Variants in RER1 observed in about 807,000 individuals in gnomAD.
RER1 encodes protein RER1.
In RER1, 6 loss-of-function variants were observed where a neutral mutation model predicts 28.3. The ratio of observed to expected loss-of-function variants is 0.21; its 90% CI spans 0.12 to 0.42. The LOEUF (loss-of-function observed/expected upper bound fraction) is 0.42. Among genes scored for constraint, RER1 ranks in the 10% least tolerant of loss-of-function variants. The probability of loss-of-function intolerance (pLI) is 1.00; values close to 1 mark genes in which losing one functional copy is unlikely to be tolerated. For synonymous variants in RER1, 110 were observed against 95.9 expected (o/e 1.15, Z -0.86); for missense variants, 159 against 252.9 (o/e 0.63, Z 2.52).
At position 2,402,319 on chromosome 1, in the gene RER1, A is replaced by G. The variant is rs367686071; in HGVS notation, c.478A>G (p.Ile160Val). 7.4e-6 allele frequency: 12 copies of G among 1,614,202 alleles called. No homozygotes were observed. In the African/African-American group the frequency reaches 1.3e-4, roughly 18 times the overall value. ...LVMYFIMLFC[I>V]TMKRQIKHMI... ...GATGTACTTCATCATGCTCTTCTGT[A>G]TCACGATGAAGAGGCAAATCAAGGT... The change falls in exon 6 of 7, where the codon ATC becomes GTC. Residue 160 changes from isoleucine (I) to valine (V), a missense_variant. By Grantham distance (29) the Ile-to-Val change is conservative. Coordinates refer to ENST00000605895, the MANE Select transcript of RER1 (RefSeq NM_007033.5).
chr1:2,397,265 C>A, intron 3 of RER1, 45 bp downstream of exon 3: 1 of 1,301,978 alleles, frequency 7.7e-7, no homozygotes, highest in Non-Finnish European at 1.1e-6. Flanking sequence ...GTCCACGTTA[C>A]CTGGGCGTGA....
chr1:2,402,857 C>T (rs1336315356), intron 6 of RER1, among the ~76,000 whole-genome samples, 178 bp from the exon 7 acceptor site: 1 of 152,162 alleles, frequency 6.6e-6, no homozygotes, highest in Non-Finnish European at 1.5e-5. Context: ...AAACCTAGGC[C>T]TCGTGGGCTG....
At chr1:2,397,945 T>C (rs1642792151) in intron 3 of RER1, among the ~76,000 whole-genome samples, 1 of 152,224 alleles carries the variant, frequency 6.6e-6, no homozygotes, top group Admixed American at 6.5e-5. Context: ...CTGGGGACTG[T>C]AGAAGATACT....
At chr1:2,402,000 G>A (rs997985213) in intron 5 of RER1, 14 of 1,493,118 alleles carry the variant, frequency 9.4e-6, no homozygotes, top group African/African-American at 5.6e-5. Context: ...GGGAGTAAGA[G>A]AAGGATGTTT....
chr1:2,397,738 G>A (rs1422615976), intron 3 of RER1, among the ~76,000 whole-genome samples: 3 of 152,216 alleles, frequency 2.0e-5, no homozygotes, highest in South Asian at 2.1e-4. Context: ...GGTTTCCTTC[G>A]TGTGTTTTCG....
At position 2,403,576 on chromosome 1, in the gene RER1, T is replaced by C. The variant is rs1232641388; in HGVS notation, c.*452T>C. 1.1e-5 allele frequency: 2 copies of C among 180,538 alleles called. No individual in the cohort carries two copies. The highest frequency in any genetic ancestry group is 2.4e-5 in the Non-Finnish European group (2 of 84,704). 11.2% of individuals were successfully genotyped at this position (180,538 alleles called of 1,614,324 possible). ...CTGATTCCTGCGTGTCCGAAAGAAC[T>C]TAACGTTTTAAAGGTGATTGTCAAG... On this transcript the variant is annotated 3_prime_UTR_variant, in exon 7 of 7. Transcript: ENST00000605895.
At chr1:2,393,408 G>A (rs905881127) in intron 1 of RER1, among the ~76,000 whole-genome samples, 1 of 152,170 alleles carries the variant, frequency 6.6e-6, no homozygotes, top group Non-Finnish European at 1.5e-5. Flanking sequence ...TGATGTAAGG[G>A]ACTGGGGGTC....
At chr1:2,396,047 G>A (rs1157168974) in intron 2 of RER1, 176 bp downstream of exon 2, 10 of 613,896 alleles carry the variant, frequency 1.6e-5, no homozygotes, top group Admixed American at 2.8e-5. Context: ...TGGAGAGATC[G>A]GGCTCTGGGG....
At chr1:2,392,617 G>A (rs955417939) in intron 1 of RER1, among the ~76,000 whole-genome samples, 5 of 152,216 alleles carry the variant, frequency 3.3e-5, no homozygotes, top group South Asian at 2.1e-4. Context: ...GTGGGCTTTT[G>A]CCCTTTTCCC....
At position 2,405,343 on chromosome 1, in the gene RER1, C is replaced by T. The variant is rs1642963782; in HGVS notation, c.*2219C>T. 5.9e-6 allele frequency: 2 copies of T among 338,338 alleles called. No homozygotes were observed. Among genetic ancestry groups the T allele is most frequent in the Admixed American group, 8.6e-5 (2 of 23,346 alleles). The allele number at this position is 338,338 out of a possible 1,614,324, so 21.0% of individuals were successfully genotyped here. ...ACCCGCCAGCCTCCGTGCCCCACCCCACCCAGCACGCACTCATTCAGTCCA... is the reference window on the plus strand; with the variant it reads ...ACCCGCCAGCCTCCGTGCCCCACCCTACCCAGCACGCACTCATTCAGTCCA... On this transcript the variant is annotated 3_prime_UTR_variant, in exon 7 of 7. Coordinates refer to ENST00000605895, the MANE Select transcript of RER1 (RefSeq NM_007033.5).
intron 5 of RER1, 96 bp from the exon 6 acceptor site, chr1:2,402,111 G>A (rs1399063771): frequency 1.2e-6 from 2 of 1,613,004 alleles, no homozygotes. Context: ...GCTTCTGTTT[G>A]CGGGGACGGT....
At chr1:2,401,056 G>T in intron 5 of RER1, 121 bp downstream of exon 5, 1 of 802,538 alleles carries the variant, frequency 1.2e-6, no homozygotes, top group Non-Finnish European at 2.1e-6. Context: ...TGGGCACGGG[G>T]AATCGCAGGG....
intron 6 of RER1, 107 bp downstream of exon 6, chr1:2,402,449 G>A (rs1642880404): frequency 7.0e-7 from 1 of 1,436,184 alleles, no homozygotes; most frequent in East Asian, 2.3e-5. Context: ...AGTCTGCCTG[G>A]TGTGAATGTG....
intron 1 of RER1, among the ~76,000 whole-genome samples, chr1:2,392,778 G>A (rs1425124885): frequency 2.6e-5 from 4 of 152,236 alleles, no homozygotes; most frequent in African/African-American, 9.6e-5. Flanking sequence ...TATGCCTGAG[G>A]TGACGGCGAC....
intron 1 of RER1, among the ~76,000 whole-genome samples, chr1:2,393,617 G>A (rs1642725418): frequency 6.6e-6 from 1 of 152,186 alleles, no homozygotes; most frequent in Non-Finnish European, 1.5e-5. Context: ...GGCATGAGAG[G>A]TGCTGTTGTC....
At chr1:2,401,941 A>C in intron 5 of RER1, 1 of 1,376,410 alleles carries the variant, frequency 7.3e-7, no homozygotes, top group Non-Finnish European at 9.7e-7. Context: ...CAGCCTCAGT[A>C]CTGATGCTTT....
intron 2 of RER1, chr1:2,396,097 G>A (rs1482921407): frequency 1.8e-6 from 1 of 543,674 alleles, no homozygotes; most frequent in Non-Finnish European, 3.3e-6. Flanking sequence ...TTCTGTTTCT[G>A]TTTTCCTTTT....
In RER1 at chr1:2,403,029, C is replaced by G; in HGVS notation, c.502-6C>G. 1 of 1,611,754 alleles carries G rather than the reference C, an allele frequency of 6.2e-7. No homozygotes were observed. Among genetic ancestry groups the G allele is most frequent in the Non-Finnish European group, 8.5e-7 (1 of 1,178,368 alleles). On this transcript the variant is annotated splice_polypyrimidine_tract_variant and splice_region_variant and intron_variant, in intron 6 of 6. Transcript: ENST00000605895. The stretch of plus-strand genomic sequence containing the variant: ...GCAGTAACTGAGTCTGTGTTTCTCT[C>G]CCCAGCACATGATTAAGTACCGGTA...
At chr1:2,400,295 A>G (rs925319628) in intron 4 of RER1, among the ~76,000 whole-genome samples, 3 of 152,262 alleles carry the variant, frequency 2.0e-5, no homozygotes, top group Admixed American at 1.3e-4. Context: ...ATATGTGATG[A>G]AAAGATTGCT....
Sources: allele counts gnomAD v4.1 joint callset (sites outside exome capture counted in the v4.1 genomes callset), GRCh38; gene constraint gnomAD v4.1.1; transcripts MANE v1.5; gene names NCBI Gene and HGNC (gene_info 2026-07-23, HGNC 2026-07-21).